RIMBP2: variants seen among roughly 807,000 people sequenced by gnomAD.
The protein encoded by RIMBP2 is RIMS binding protein 2.
Under a neutral mutation model 118.6 loss-of-function variants are expected in RIMBP2, and 48 were observed. That is an observed-to-expected ratio of 0.40 (90% CI 0.32 to 0.51). The LOEUF is 0.51. Among genes scored for constraint, RIMBP2 ranks in the 20% least tolerant of loss-of-function variants. The probability of loss-of-function intolerance (pLI) is 0.41; values close to 1 mark genes in which losing one functional copy is unlikely to be tolerated. For missense variants in RIMBP2, 1,551 were observed against 1,768.3 expected, an observed-to-expected ratio of 0.88 and a Z score of 2.20; for synonymous variants, 762 against 742.9, an observed-to-expected ratio of 1.03 and a Z score of -0.42.
intron 2 of RIMBP2, among the ~76,000 whole-genome samples, chr12:130,565,536 A>C (rs1010513133): frequency 6.6e-6 from 1 of 152,216 alleles, no homozygotes; most frequent in Non-Finnish European, 1.5e-5. Context: ...AAGTGGATAC[A>C]CATGTGGTTG....
chr12:130,711,576 G>T (rs1949918850), intron 1 of RIMBP2, among the ~76,000 whole-genome samples: 1 of 152,114 alleles, frequency 6.6e-6, no homozygotes, highest in Non-Finnish European at 1.5e-5. Flanking sequence ...ACGTCATTTG[G>T]ACTTAAAGTT....
chr12:130,472,688 C>T (rs773402791), intron 5 of RIMBP2, among the ~76,000 whole-genome samples: 12 of 152,166 alleles, frequency 7.9e-5, no homozygotes, highest in Non-Finnish European at 1.6e-4. Flanking sequence ...TCTCAAAATT[C>T]CGTGCGCTGA....
chr12:130,417,906 T>C (rs2076197128), intron 17 of RIMBP2, among the ~76,000 whole-genome samples: 1 of 152,032 alleles, frequency 6.6e-6, no homozygotes, highest in African/African-American at 2.4e-5. Flanking sequence ...GGTCTGATCA[T>C]GGGAGGTGGT....
chr12:130,701,247 C>T (rs550845300), intron 1 of RIMBP2, among the ~76,000 whole-genome samples: 17 of 152,306 alleles, frequency 1.1e-4, no homozygotes, highest in East Asian at 5.8e-4. Flanking sequence ...GGGGCCCTCA[C>T]GCTGTAAGCC....
chr12:130,522,652 G>C (rs2052264330), intron 2 of RIMBP2, among the ~76,000 whole-genome samples: 1 of 152,224 alleles, frequency 6.6e-6, no homozygotes, highest in African/African-American at 2.4e-5. Context: ...TCCAAGTGCA[G>C]GTGGGGTGAG....
rs1293761665 is a variant in RIMBP2, at chr12:130,431,144, C to G, written c.2254-2807G>C. Among the ~76,000 whole-genome samples the G allele has an allele frequency of 6.6e-6, 1 of 152,194 alleles. No individual in the cohort carries two copies. Among genetic ancestry groups the G allele is most frequent in the Non-Finnish European group, 1.5e-5 (1 of 68,030 alleles). ...GATTTTTTCAGAGCAAATGTCCCAG[C>G]TACTCTCAGCCTCCCTTCTTTCATT... On this transcript the variant is annotated intron_variant, in intron 14 of 22. Transcript: ENST00000690449. This position sits in a 1 kb window ranked among gnomAD's most constrained non-coding sequence, Gnocchi z 4.0.
chr12:130,523,128 CCTCT>C lies in RIMBP2; in HGVS notation c.-216-5215_-216-5212del, dbSNP rs149137105. Among the ~76,000 whole-genome samples, 47 of 149,884 alleles carry C rather than the reference CCTCT, an allele frequency of 3.1e-4. No homozygotes were observed. The highest frequency in any genetic ancestry group is 1.0e-3 in the Admixed American group (15 of 15,042). Reference sequence around the variant, plus strand: ...TTCTGTCTCTCCCAGTCTCACTCTGCCTCTCTCTCTCTCTCTGCCTCCATGTCTG... The same window carrying C: ...TTCTGTCTCTCCCAGTCTCACTCTGCCTCTCTCTCTCTGCCTCCATGTCTG... On this transcript the variant is annotated intron_variant, in intron 2 of 22. Coordinates refer to ENST00000690449, the MANE Select transcript of RIMBP2 (RefSeq NM_001393629.1). This position sits in a 1 kb window ranked among gnomAD's most constrained non-coding sequence, Gnocchi z 4.4.
chr12:130,631,994 T>C (rs560050800), intron 1 of RIMBP2, among the ~76,000 whole-genome samples: 2 of 152,390 alleles, frequency 1.3e-5, no homozygotes, highest in South Asian at 2.1e-4. Flanking sequence ...GATATGCCCA[T>C]GTCTTTTCTT....
chr12:130,435,924 G>A (rs932457614), intron 13 of RIMBP2, among the ~76,000 whole-genome samples: 5 of 152,220 alleles, frequency 3.3e-5, no homozygotes, highest in African/African-American at 7.2e-5. Context: ...TGCGTGCCCC[G>A]CCTCGGTTTC....
At chr12:130,463,593 C>T (rs77776530) in intron 6 of RIMBP2, among the ~76,000 whole-genome samples, 2,209 of 152,134 alleles carry the variant, frequency 0.015, 50 homozygotes, top group African/African-American at 0.05. Flanking sequence ...GGCATCCAAA[C>T]GGGGTGGTTC....
intron 7 of RIMBP2, among the ~76,000 whole-genome samples, chr12:130,454,313 G>A (rs1180812579): frequency 1.3e-5 from 2 of 152,206 alleles, no homozygotes; most frequent in African/African-American, 4.8e-5. Context: ...ACAAAAATAA[G>A]TAAACACATT....
At chr12:130,630,338 TA>T (rs1031959825) in intron 1 of RIMBP2, among the ~76,000 whole-genome samples, 17 of 151,466 alleles carry the variant, frequency 1.1e-4, no homozygotes, top group Admixed American at 2.6e-4. Flanking sequence ...AAAATTAATA[TA>T]AAAAATATAA....
chr12:130,583,209 G>A (rs1462430925), intron 2 of RIMBP2, among the ~76,000 whole-genome samples: 1 of 152,124 alleles, frequency 6.6e-6, no homozygotes, highest in African/African-American at 2.4e-5. Flanking sequence ...TGGCCTTTGG[G>A]ATGTGGCATA....
chr12:130,689,342 A>C (rs2065213476), intron 1 of RIMBP2, among the ~76,000 whole-genome samples: 1 of 152,164 alleles, frequency 6.6e-6, no homozygotes, highest in Admixed American at 6.5e-5. Flanking sequence ...CTGAGGCAGG[A>C]GAATCGCTTG....
At chr12:130,510,417 T>C (rs2050792347) in intron 3 of RIMBP2, among the ~76,000 whole-genome samples, 1 of 151,902 alleles carries the variant, frequency 6.6e-6, no homozygotes, top group African/African-American at 2.4e-5. Flanking sequence ...TGGAGGAAGG[T>C]GAAGAGTCCA....
chr12:130,471,433 A>T (rs900240282), intron 5 of RIMBP2, among the ~76,000 whole-genome samples: 4 of 152,186 alleles, frequency 2.6e-5, no homozygotes, highest in Non-Finnish European at 5.9e-5. Context: ...CATCATCATG[A>T]TGGTAAGGAC....
chr12:130,702,583 G>GGAAGGAAC (rs2065912100), intron 1 of RIMBP2, among the ~76,000 whole-genome samples: 1 of 149,434 alleles, frequency 6.7e-6, no homozygotes, highest in Non-Finnish European at 1.5e-5. Flanking sequence ...AAGGAAGGAA[G>GGAAGGAAC]GAAGAAGGGA....
At chr12:130,477,290 A>G (rs970776258) in intron 5 of RIMBP2, among the ~76,000 whole-genome samples, 6 of 152,248 alleles carry the variant, frequency 3.9e-5, no homozygotes, top group African/African-American at 1.4e-4. Context: ...GCTTCTAGAG[A>G]ATGTTCTGTT....
At chr12:130,460,327 G>A (rs371383331) in intron 6 of RIMBP2, among the ~76,000 whole-genome samples, 13 of 152,278 alleles carry the variant, frequency 8.5e-5, no homozygotes, top group South Asian at 2.1e-4. Flanking sequence ...AGCGGCGCTC[G>A]CAGGAGCAGC....
Sources: allele counts gnomAD v4.1 joint callset (sites outside exome capture counted in the v4.1 genomes callset), GRCh38; gene constraint gnomAD v4.1.1; non-coding constraint Gnocchi (gnomAD v3.1); transcripts MANE v1.5; gene names NCBI Gene and HGNC (gene_info 2026-07-23, HGNC 2026-07-21).